Variants in SHISA6 observed in about 807,000 individuals in gnomAD.
SHISA6 encodes the protein shisa family member 6.
A neutral mutation model predicts 47.9 loss-of-function variants in SHISA6; 22 were observed. The observed-to-expected ratio is 0.46, with a 90% CI of 0.33 to 0.66. The LOEUF is 0.66. Ranked by LOEUF, SHISA6 falls within the 30% of genes least tolerant of loss-of-function variation. SHISA6 has a pLI of 0.02. For missense variants in SHISA6, 680 were observed against 764.6 expected, an observed-to-expected ratio of 0.89 and a Z score of 1.30; for synonymous variants, 388 against 337.8, an observed-to-expected ratio of 1.15 and a Z score of -1.63.
Position 11,558,151 on chromosome 17 carries a change from C to T in SHISA6, c.1503C>T (p.Ala501=). The change falls in exon 6 of 6, where the codon GCC becomes GCT. Residue 501 remains alanine, a synonymous_variant. Transcript: ENST00000441885. ...RMSKMHSHPS[A]SNNSYATLGQ... Reference sequence around the variant, plus strand: ...GCAAGATGCACTCTCATCCCAGTGCCTCCAATAACTCATACGCCACCCTGG... The same window carrying T: ...GCAAGATGCACTCTCATCCCAGTGCTTCCAATAACTCATACGCCACCCTGG... 1.3e-6 allele frequency: 2 copies of T among 1,550,206 alleles called. No homozygotes were observed. The highest frequency in any genetic ancestry group is 8.7e-7 in the Non-Finnish European group (1 of 1,147,006).
intron 3 of SHISA6, among the ~76,000 whole-genome samples, chr17:11,465,597 C>A (rs1915790495): frequency 6.6e-6 from 1 of 152,120 alleles, no homozygotes; most frequent in Non-Finnish European, 1.5e-5. Flanking sequence ...GATATCCTAG[C>A]TACTGCCCCC....
chr17:11,268,922 A>T (rs1466176892), intron 2 of SHISA6, among the ~76,000 whole-genome samples: 1 of 152,196 alleles, frequency 6.6e-6, no homozygotes, highest in East Asian at 1.9e-4. Context: ...CATCCCATGT[A>T]GTAGCCCTCT....
chr17:11,464,923 CAA>C (rs888307188), intron 3 of SHISA6, among the ~76,000 whole-genome samples: 6 of 138,686 alleles, frequency 4.3e-5, no homozygotes, highest in Admixed American at 7.6e-5. Context: ...GCCTGGGTGA[CAA>C]GAGCAAAACT....
At chr17:11,245,898 C>G (rs1907564299) in intron 1 of SHISA6, among the ~76,000 whole-genome samples, 1 of 152,166 alleles carries the variant, frequency 6.6e-6, no homozygotes. Flanking sequence ...TACTCTTTCT[C>G]CCTCCAGAAA....
At chr17:11,364,578 A>C (rs889456553) in intron 2 of SHISA6, among the ~76,000 whole-genome samples, 1 of 152,226 alleles carries the variant, frequency 6.6e-6, no homozygotes, top group Non-Finnish European at 1.5e-5. Flanking sequence ...TAAATATGCC[A>C]CAGCCTATTT....
rs2072018301 is a variant in SHISA6, at chr17:11,559,447, G to C, written c.*1143G>C. 6.6e-6 allele frequency: 1 copy of C among 152,360 alleles called. No homozygotes were observed. The highest frequency in any genetic ancestry group is 1.5e-5 in the Non-Finnish European group (1 of 68,208). 9.4% of individuals were successfully genotyped at this position (152,360 alleles called of 1,614,324 possible). On this transcript the variant is annotated 3_prime_UTR_variant, in exon 6 of 6. Coordinates refer to ENST00000441885, the MANE Select transcript of SHISA6 (RefSeq NM_207386.4). The surrounding 1 kb of genome is among the most constrained non-coding windows in gnomAD (Gnocchi z 4.4). ...CCCCCAGACAAGGAGGATGAGAGGT[G>C]GTTGTCCTGCATCCTCTCCGCTCAT...
At chr17:11,396,065 C>T (rs573939544) in intron 3 of SHISA6, among the ~76,000 whole-genome samples, 1 of 152,262 alleles carries the variant, frequency 6.6e-6, no homozygotes, top group East Asian at 1.9e-4. Flanking sequence ...CCTTCAGTTC[C>T]TATTGTCTTG....
intron 2 of SHISA6, among the ~76,000 whole-genome samples, chr17:11,273,285 C>A (rs985883910): frequency 6.6e-6 from 1 of 152,180 alleles, no homozygotes; most frequent in Non-Finnish European, 1.5e-5. Context: ...ACAGACAGGG[C>A]CCCGGGAGCC....
chr17:11,363,263 T>C (rs960367687), intron 2 of SHISA6, among the ~76,000 whole-genome samples: 17 of 151,666 alleles, frequency 1.1e-4, no homozygotes, highest in Admixed American at 5.9e-4. Flanking sequence ...TCAACTCTCC[T>C]GGTGTCACAT....
intron 3 of SHISA6, among the ~76,000 whole-genome samples, chr17:11,416,044 T>C (rs1311753968): frequency 9.2e-5 from 14 of 152,170 alleles, no homozygotes; most frequent in African/African-American, 2.7e-4. Context: ...ATATTATTTC[T>C]CTCATGTTTC....
chr17:11,336,262 G>GT (rs1567576804), intron 2 of SHISA6, among the ~76,000 whole-genome samples: 1 of 152,076 alleles, frequency 6.6e-6, no homozygotes. Flanking sequence ...TGTTAGCTAA[G>GT]TCCATAAGTT....
chr17:11,501,199 G>T (rs1435506421), intron 3 of SHISA6, among the ~76,000 whole-genome samples: 1 of 150,812 alleles, frequency 6.6e-6, no homozygotes, highest in Non-Finnish European at 1.5e-5. Flanking sequence ...TGCAACCTCC[G>T]CCTCCCAGGT....
intron 3 of SHISA6, among the ~76,000 whole-genome samples, chr17:11,541,038 G>T (rs2071829648): frequency 6.6e-6 from 1 of 152,166 alleles, no homozygotes; most frequent in Non-Finnish European, 1.5e-5. Flanking sequence ...CTCTGATCTT[G>T]GACAGGTTAC....
intron 3 of SHISA6, among the ~76,000 whole-genome samples, chr17:11,534,188 T>A (rs2071765900): frequency 6.9e-6 from 1 of 145,688 alleles, no homozygotes; most frequent in Non-Finnish European, 1.5e-5. Context: ...GTATTTTTAG[T>A]AGAGACAGGT....
In SHISA6 at chr17:11,351,522, C is replaced by T. The variant is rs1169324581; in HGVS notation, c.800-27892C>T. Reference sequence around the variant, plus strand: ...CTCAAGCATTACCTCCTCTGTGTTGCCTACCCTGATCCTCCCAACAAATTC... The same window carrying T: ...CTCAAGCATTACCTCCTCTGTGTTGTCTACCCTGATCCTCCCAACAAATTC... On this transcript the variant is annotated intron_variant, in intron 2 of 5. Coordinates refer to ENST00000441885, the MANE Select transcript of SHISA6 (RefSeq NM_207386.4). Among the ~76,000 whole-genome samples the T allele has an allele frequency of 3.9e-5, 6 of 152,272 alleles. No individual in the cohort carries two copies. The East Asian group carries it at 9.6e-4, about 24-fold the overall frequency.
At chr17:11,373,031 G>A (rs1162437792) in intron 2 of SHISA6, among the ~76,000 whole-genome samples, 1 of 151,652 alleles carries the variant, frequency 6.6e-6, no homozygotes, top group Non-Finnish European at 1.5e-5. Flanking sequence ...TGTCAATAAA[G>A]ATAACTCGTT....
intron 3 of SHISA6, among the ~76,000 whole-genome samples, chr17:11,467,699 A>G (rs1421078986): frequency 6.6e-6 from 1 of 152,198 alleles, no homozygotes; most frequent in African/African-American, 2.4e-5. Context: ...ATAAGGGATT[A>G]AAGGGCCTCT....
At chr17:11,256,544 G>T (rs1256750339) in intron 1 of SHISA6, among the ~76,000 whole-genome samples, 2 of 152,104 alleles carry the variant, frequency 1.3e-5, no homozygotes, top group African/African-American at 4.8e-5. Flanking sequence ...AATCGTAATG[G>T]CAGCAGCAGC....
At chr17:11,358,132 C>G (rs573550540) in intron 2 of SHISA6, among the ~76,000 whole-genome samples, 2 of 152,076 alleles carry the variant, frequency 1.3e-5, no homozygotes, top group Non-Finnish European at 2.9e-5. Flanking sequence ...AAACAATCTC[C>G]AGAACTTATT....
Sources: gnomAD v4.1 joint callset for allele counts (sites outside exome capture counted in the v4.1 genomes callset) on GRCh38, gnomAD v4.1.1 for gene constraint, Gnocchi (gnomAD v3.1) non-coding constraint, MANE v1.5 for transcripts, NCBI Gene and HGNC (gene_info 2026-07-23, HGNC 2026-07-21) for gene names.